Variants in MIPOL1 observed in about 807,000 individuals in gnomAD.
MIPOL1 encodes the protein mirror-image polydactyly gene 1 protein.
MIPOL1 carries 57 observed loss-of-function variants against 60.9 expected under a neutral mutation model. The observed-to-expected ratio is 0.94, with a 90% CI of 0.76 to 1.17. The LOEUF (loss-of-function observed/expected upper bound fraction) is 1.17. Among genes scored for constraint, MIPOL1 ranks in the 50% most tolerant of loss-of-function variants. The pLI is 0.00. For missense variants in MIPOL1, 551 were observed against 511.6 expected, an observed-to-expected ratio of 1.08 and a Z score of -0.74; for synonymous variants, 179 against 168.8, an observed-to-expected ratio of 1.06 and a Z score of -0.47.
intron 7 of MIPOL1, among the ~76,000 whole-genome samples, chr14:37,294,129 G>A (rs1205188203): frequency 6.6e-6 from 1 of 152,160 alleles, no homozygotes; most frequent in African/African-American, 2.4e-5. Context: ...GGAACGATCA[G>A]GCAGCAGCAT....
intron 9 of MIPOL1, among the ~76,000 whole-genome samples, chr14:37,350,383 GCTTTTTCTTTTCTTTT>G (rs1188195875): frequency 6.6e-6 from 1 of 151,402 alleles, no homozygotes; most frequent in African/African-American, 2.4e-5. Flanking sequence ...AGCCCATTCT[GCTTTTTCTTTTCTTTT>G]CTTTTTCTTT....
chr14:37,519,338 G>T (rs1303759955), intron 12 of MIPOL1, among the ~76,000 whole-genome samples: 1 of 152,058 alleles, frequency 6.6e-6, no homozygotes, highest in African/African-American at 2.4e-5. Context: ...CATGTATTCT[G>T]TGCTTATGTA....
intron 9 of MIPOL1, among the ~76,000 whole-genome samples, chr14:37,359,888 G>C (rs1277493212): frequency 6.6e-6 from 1 of 152,116 alleles, no homozygotes; most frequent in Non-Finnish European, 1.5e-5. Context: ...GGGCATCCTT[G>C]TCTTGTGCCG....
intron 11 of MIPOL1, among the ~76,000 whole-genome samples, chr14:37,478,068 A>G (rs1223977037): frequency 6.6e-6 from 1 of 152,242 alleles, no homozygotes; most frequent in Non-Finnish European, 1.5e-5. Context: ...ACAGCAGTGT[A>G]AGTGTGAAAT....
chr14:37,404,962 T>A (rs1445732170), intron 10 of MIPOL1, among the ~76,000 whole-genome samples: 2 of 152,186 alleles, frequency 1.3e-5, no homozygotes, highest in African/African-American at 2.4e-5. Flanking sequence ...TGCTTTGCAC[T>A]TTCTGAAACC....
intron 9 of MIPOL1, among the ~76,000 whole-genome samples, chr14:37,356,218 C>G (rs543186676): frequency 1.3e-5 from 2 of 151,922 alleles, no homozygotes; most frequent in African/African-American, 4.8e-5. Context: ...TTAGGCTTCT[C>G]GGGGGTCAGG....
chr14:37,227,153 T>C (rs1288845586), intron 1 of MIPOL1, among the ~76,000 whole-genome samples: 1 of 152,166 alleles, frequency 6.6e-6, no homozygotes, highest in Non-Finnish European at 1.5e-5. Flanking sequence ...AGGTCAGTAA[T>C]GTGAAATAAT....
At chr14:37,221,859 A>C (rs1968827696) in intron 1 of MIPOL1, among the ~76,000 whole-genome samples, 1 of 152,134 alleles carries the variant, frequency 6.6e-6, no homozygotes, top group African/African-American at 2.4e-5. Context: ...GGGACATTCA[A>C]ACCATGGCAT....
At chr14:37,446,841 G>A (rs376100046) in intron 11 of MIPOL1, among the ~76,000 whole-genome samples, 18 of 151,462 alleles carry the variant, frequency 1.2e-4, no homozygotes, top group East Asian at 5.9e-4. Flanking sequence ...ACCAAACACC[G>A]CATGTTCTCA....
At chr14:37,356,509 G>A (rs549913886) in intron 9 of MIPOL1, among the ~76,000 whole-genome samples, 46 of 152,226 alleles carry the variant, frequency 3.0e-4, no homozygotes, top group Admixed American at 2.2e-3. Flanking sequence ...CCCCAGCCTC[G>A]CTGCCGCCTT....
chr14:37,268,438 C>A (rs2083041856), intron 4 of MIPOL1, among the ~76,000 whole-genome samples: 1 of 152,072 alleles, frequency 6.6e-6, no homozygotes, highest in South Asian at 2.1e-4. Context: ...TAGAGCTGCA[C>A]TGACTGTCCC....
At chr14:37,362,210 G>T (rs1468845263) in intron 9 of MIPOL1, among the ~76,000 whole-genome samples, 1 of 152,122 alleles carries the variant, frequency 6.6e-6, no homozygotes, top group African/African-American at 2.4e-5. Context: ...AGCATCAATG[G>T]TCTTTACAAT....
At chr14:37,348,524 G>T (rs1469256020) in intron 9 of MIPOL1, among the ~76,000 whole-genome samples, 1 of 152,022 alleles carries the variant, frequency 6.6e-6, no homozygotes, top group Non-Finnish European at 1.5e-5. Context: ...TATTACAGAA[G>T]GGGAGTGGGA....
intron 1 of MIPOL1, among the ~76,000 whole-genome samples, chr14:37,198,786 A>G (rs1164762148): frequency 6.6e-6 from 1 of 152,174 alleles, no homozygotes; most frequent in Non-Finnish European, 1.5e-5. Flanking sequence ...AGTAGATAGA[A>G]ATAAGCCAAA....
chr14:37,290,140 A>G (rs570669485), intron 7 of MIPOL1, among the ~76,000 whole-genome samples: 1 of 152,256 alleles, frequency 6.6e-6, no homozygotes, highest in East Asian at 1.9e-4. Flanking sequence ...AAACATTGTA[A>G]AAATGTTACT....
At chr14:37,511,506 C>T (rs541962823) in intron 12 of MIPOL1, among the ~76,000 whole-genome samples, 2 of 152,184 alleles carry the variant, frequency 1.3e-5, no homozygotes, top group East Asian at 3.9e-4. Context: ...TCCCTAATCC[C>T]CATTTATTAA....
At chr14:37,307,985 TA>T in intron 7 of MIPOL1, 70 bp from the exon 8 acceptor site, 1 of 1,323,886 alleles carries the variant, frequency 7.6e-7, no homozygotes, top group East Asian at 2.3e-5. Flanking sequence ...TCTAAAGATT[TA>T]AAAAGCGAAC....
At chr14:37,403,656 T>C (rs2093533553) in intron 10 of MIPOL1, among the ~76,000 whole-genome samples, 1 of 152,180 alleles carries the variant, frequency 6.6e-6, no homozygotes, top group Non-Finnish European at 1.5e-5. Flanking sequence ...AGTTTGGTTC[T>C]GTTCATCGTT....
At chr14:37,297,094 G>T (rs1567338761) in intron 7 of MIPOL1, among the ~76,000 whole-genome samples, 2 of 152,024 alleles carry the variant, frequency 1.3e-5, no homozygotes, top group Non-Finnish European at 2.9e-5. Flanking sequence ...GCACATCAAA[G>T]AACTTATCCA....
Sources: gnomAD v4.1 joint callset for allele counts (sites outside exome capture counted in the v4.1 genomes callset) on GRCh38, gnomAD v4.1.1 for gene constraint, MANE v1.5 for transcripts, NCBI Gene and HGNC (gene_info 2026-07-23, HGNC 2026-07-21) for gene names.